CCSER1: variants seen among roughly 807,000 people sequenced by gnomAD.
CCSER1 encodes the protein serine-rich coiled-coil domain-containing protein 1.
Under a neutral mutation model 82.0 loss-of-function variants are expected in CCSER1, and 41 were observed. That is an observed-to-expected ratio of 0.50 (90% CI 0.39 to 0.65). The LOEUF (loss-of-function observed/expected upper bound fraction) is 0.65. Among genes scored for constraint, CCSER1 ranks in the 30% least tolerant of loss-of-function variants. The pLI is 0.00. For synonymous variants in CCSER1, 414 were observed against 383.9 expected, an observed-to-expected ratio of 1.08 and a Z score of -0.92; for missense variants, 1,119 against 1,064.2, an observed-to-expected ratio of 1.05 and a Z score of -0.72.
intron 5 of CCSER1, among the ~76,000 whole-genome samples, chr4:90,499,927 C>A (rs1227012258): frequency 2.0e-5 from 3 of 151,986 alleles, no homozygotes; most frequent in African/African-American, 7.3e-5. Context: ...CATGGAGGGA[C>A]CAAATTAGTC....
At chr4:90,469,566 C>CACA (rs773186609) in intron 5 of CCSER1, among the ~76,000 whole-genome samples, 5 of 149,644 alleles carry the variant, frequency 3.3e-5, no homozygotes, top group African/African-American at 1.2e-4. Context: ...CACACACACA[C>CACA]ATTTCCTTAT....
chr4:91,168,934 A>G (rs1350803059), intron 10 of CCSER1, among the ~76,000 whole-genome samples: 3 of 152,134 alleles, frequency 2.0e-5, no homozygotes, highest in Non-Finnish European at 2.9e-5. Context: ...GTGCTGTGTC[A>G]ACTCAGGGTT....
At chr4:91,237,496 G>A (rs894732828) in intron 10 of CCSER1, among the ~76,000 whole-genome samples, 1 of 151,952 alleles carries the variant, frequency 6.6e-6, no homozygotes, top group Non-Finnish European at 1.5e-5. Flanking sequence ...GGCAAAAAGA[G>A]CCTAATTTTT....
intron 6 of CCSER1, among the ~76,000 whole-genome samples, chr4:90,668,763 C>A (rs62314393): frequency 0.12 from 18,404 of 152,020 alleles, 1,229 homozygotes; most frequent in East Asian, 0.23. Context: ...TCAACTTTTT[C>A]TAATCACAAC....
chr4:90,691,968 C>T (rs1292952025), intron 6 of CCSER1, among the ~76,000 whole-genome samples: 1 of 147,706 alleles, frequency 6.8e-6, no homozygotes, highest in Non-Finnish European at 1.5e-5. Context: ...GAAGAACACA[C>T]CAAAAAATAA....
At chr4:91,539,558 G>T (rs1050968816) in intron 10 of CCSER1, among the ~76,000 whole-genome samples, 2 of 151,966 alleles carry the variant, frequency 1.3e-5, no homozygotes, top group Admixed American at 1.3e-4. Flanking sequence ...GCTGAATTTG[G>T]TCATCCATGG....
chr4:90,265,850 A>G (rs537379318), intron 1 of CCSER1, among the ~76,000 whole-genome samples: 2 of 152,232 alleles, frequency 1.3e-5, no homozygotes, highest in South Asian at 2.1e-4. Context: ...TCTTCTGACA[A>G]TCACATCCTG....
At chr4:90,219,494 A>G (rs915109523) in intron 1 of CCSER1, among the ~76,000 whole-genome samples, 3 of 152,144 alleles carry the variant, frequency 2.0e-5, no homozygotes, top group Admixed American at 6.6e-5. Flanking sequence ...CATCATCCCA[A>G]TTATTATATA....
chr4:90,942,762 A>T (rs1010625970), intron 9 of CCSER1, among the ~76,000 whole-genome samples: 1 of 151,746 alleles, frequency 6.6e-6, no homozygotes, highest in African/African-American at 2.4e-5. Context: ...TGCTAATTTT[A>T]TCCTGATGGA....
intron 10 of CCSER1, among the ~76,000 whole-genome samples, chr4:91,464,237 C>A (rs1756712410): frequency 6.6e-6 from 1 of 152,224 alleles, no homozygotes; most frequent in South Asian, 2.1e-4. Context: ...ACCAGAATTT[C>A]ATATCCAGCC....
intron 10 of CCSER1, among the ~76,000 whole-genome samples, chr4:91,568,278 A>T (rs2110275623): frequency 6.6e-6 from 1 of 151,832 alleles, no homozygotes; most frequent in South Asian, 2.1e-4. Context: ...TGCCTTTAAC[A>T]TTCTTGCTTT....
chr4:90,585,019 C>G (rs1340577436), intron 5 of CCSER1, among the ~76,000 whole-genome samples: 2 of 152,016 alleles, frequency 1.3e-5, no homozygotes, highest in Non-Finnish European at 2.9e-5. Flanking sequence ...TCAAAGAATG[C>G]TTATAATTTA....
intron 4 of CCSER1, among the ~76,000 whole-genome samples, chr4:90,461,010 G>T (rs1315197181): frequency 6.7e-6 from 1 of 148,762 alleles, no homozygotes. Flanking sequence ...GCTGTCAGTG[G>T]TTTCACTCAG....
At chr4:90,653,078 G>A (rs1729070359) in intron 6 of CCSER1, among the ~76,000 whole-genome samples, 1 of 151,716 alleles carries the variant, frequency 6.6e-6, no homozygotes. Context: ...TTTCTTACCA[G>A]ACAACCTACT....
intron 9 of CCSER1, among the ~76,000 whole-genome samples, chr4:90,954,731 G>A (rs1733253367): frequency 6.6e-6 from 1 of 152,020 alleles, no homozygotes; most frequent in East Asian, 1.9e-4. Flanking sequence ...TTCAACTAGG[G>A]AAACTATGAT....
chr4:90,585,336 A>G (rs1012360298), intron 5 of CCSER1, among the ~76,000 whole-genome samples: 1 of 152,182 alleles, frequency 6.6e-6, no homozygotes, highest in African/African-American at 2.4e-5. Flanking sequence ...ATTTTTGACA[A>G]AATCCTTTAT....
At chr4:90,365,192 C>T (rs1375764942) in intron 3 of CCSER1, among the ~76,000 whole-genome samples, 3 of 151,778 alleles carry the variant, frequency 2.0e-5, no homozygotes, top group Admixed American at 2.0e-4. Flanking sequence ...AGAAGATTTT[C>T]ACAGTCTCAG....
At chr4:91,109,996 C>T (rs893244732) in intron 10 of CCSER1, among the ~76,000 whole-genome samples, 2 of 151,976 alleles carry the variant, frequency 1.3e-5, no homozygotes, top group Non-Finnish European at 2.9e-5. Context: ...TTATATAGCA[C>T]GTATTTTGGA....
At chr4:90,617,212 C>A (rs1249329380) in intron 5 of CCSER1, among the ~76,000 whole-genome samples, 1 of 151,990 alleles carries the variant, frequency 6.6e-6, no homozygotes, top group Non-Finnish European at 1.5e-5. Flanking sequence ...AGGAATGGAA[C>A]TTGATTTTAT....
Sources: gnomAD v4.1 joint callset for allele counts (sites outside exome capture counted in the v4.1 genomes callset) on GRCh38, gnomAD v4.1.1 for gene constraint, MANE v1.5 for transcripts, NCBI Gene and HGNC (gene_info 2026-07-23, HGNC 2026-07-21) for gene names.